TTLL4: variants seen among roughly 807,000 people sequenced by gnomAD.
TTLL4 encodes tubulin monoglutamylase TTLL4.
Under a neutral mutation model 122.7 loss-of-function variants are expected in TTLL4, and 85 were observed. That is an observed-to-expected ratio of 0.69 (90% confidence interval 0.58 to 0.83). The LOEUF is 0.83. Ranked by LOEUF, TTLL4 falls within the 40% of genes least tolerant of loss-of-function variation. TTLL4 has a pLI of 0.00. For synonymous variants in TTLL4, 553 were observed against 563.0 expected (o/e 0.98, Z 0.25); for missense variants, 1,363 against 1,488.6 (o/e 0.92, Z 1.39).
intron 2 of TTLL4, 51 bp from the exon 3 acceptor site, chr2:218,737,528 T>A (rs537667790): frequency 1.1e-6 from 1 of 937,686 alleles, no homozygotes; most frequent in Non-Finnish European, 1.6e-6. Flanking sequence ...TGTAGCATGG[T>A]GTCCGTTCTC....
downstream of TTLL4, among the ~76,000 whole-genome samples, chr2:218,757,683 CCT>C (rs1273572571): frequency 1.3e-5 from 2 of 152,134 alleles, no homozygotes; most frequent in Non-Finnish European, 2.9e-5. Context: ...TGAGTATCCC[CCT>C]GTCACCCTAG....
At chr2:218,740,380 G>C in intron 4 of TTLL4, 141 bp from the exon 5 acceptor site, 1 of 957,648 alleles carries the variant, frequency 1.0e-6, no homozygotes, top group Non-Finnish European at 1.6e-6. Flanking sequence ...GTTGAGGAAG[G>C]CAGTGCAAAG....
intron 2 of TTLL4, among the ~76,000 whole-genome samples, chr2:218,730,344 A>C (rs1942341398): frequency 7.8e-6 from 1 of 127,728 alleles, no homozygotes; most frequent in Non-Finnish European, 1.6e-5. Context: ...AAAAAAAAAA[A>C]AAAAAGAAAA....
chr2:218,715,494 C>T (rs1317501641), intron 1 of TTLL4, among the ~76,000 whole-genome samples: 1 of 152,186 alleles, frequency 6.6e-6, no homozygotes, highest in Non-Finnish European at 1.5e-5. Flanking sequence ...ATGGTATAGC[C>T]TATTGCTCCT....
intron 2 of TTLL4, among the ~76,000 whole-genome samples, chr2:218,728,877 A>T (rs1942269351): frequency 7.0e-6 from 1 of 143,660 alleles, no homozygotes. Flanking sequence ...GGCACTCTTG[A>T]TGCTTTCTGT....
At chr2:218,721,933 G>A (rs760807565) in intron 1 of TTLL4, among the ~76,000 whole-genome samples, 2 of 152,018 alleles carry the variant, frequency 1.3e-5, no homozygotes, top group Non-Finnish European at 2.9e-5. Context: ...AGACCAACTG[G>A]GGCAACATAG....
intron 1 of TTLL4, among the ~76,000 whole-genome samples, chr2:218,722,039 T>C (rs1942057697): frequency 6.6e-6 from 1 of 152,034 alleles, no homozygotes; most frequent in African/African-American, 2.4e-5. Flanking sequence ...CCCAGCACTT[T>C]GGGAAGCTGA....
At chr2:218,745,038 CG>C in intron 5 of TTLL4, 70 bp from the exon 6 acceptor site, 1 of 1,565,996 alleles carries the variant, frequency 6.4e-7, no homozygotes. Context: ...ATAAATCGTA[CG>C]TCGTAGTAAC....
In TTLL4 at chr2:218,747,470, G is replaced by T. The variant is rs1049900892; in HGVS notation, c.2249+98G>T. On this transcript the variant is annotated intron_variant, in intron 10 of 19. Coordinates refer to ENST00000392102, the MANE Select transcript of TTLL4 (RefSeq NM_014640.5). This position sits in a 1 kb window ranked among gnomAD's most constrained non-coding sequence, Gnocchi z 4.7. ...TCTGCCCTTTGTTCTCCCAGCCAAA[G>T]AGCTTCCTTAGCCAACTGTTCTAAG... 17 of 1,570,098 alleles carry T rather than the reference G, an allele frequency of 1.1e-5. No homozygotes were observed. Among genetic ancestry groups the T allele is most frequent in the Non-Finnish European group, 1.3e-5 (15 of 1,154,926 alleles).
intron 1 of TTLL4, among the ~76,000 whole-genome samples, chr2:218,723,808 G>A (rs919364369): frequency 1.3e-5 from 2 of 152,024 alleles, no homozygotes; most frequent in Admixed American, 1.3e-4. Context: ...AAAGGCTGAG[G>A]AACTATTACA....
At position 218,737,589 on chromosome 2, in the gene TTLL4, T is replaced by C; in HGVS notation, c.-88T>C. 4 of 1,443,134 alleles carry C rather than the reference T, an allele frequency of 2.8e-6. No homozygotes were observed. Among genetic ancestry groups the C allele is most frequent in the Non-Finnish European group, 3.7e-6 (4 of 1,068,586 alleles). The allele number at this position is 1,443,134 out of a possible 1,614,324, so 89.4% of individuals were successfully genotyped here. A position where few individuals can be genotyped will look rare whatever the true frequency, so the allele number is the denominator to read the frequency against. Reference sequence around the variant, plus strand: ...TTCTCTCCACTTCAGACTGACAGACTTCAAGGATGCAGCTGCTACTACCGG... The same window carrying C: ...TTCTCTCCACTTCAGACTGACAGACCTCAAGGATGCAGCTGCTACTACCGG... On this transcript the variant is annotated 5_prime_UTR_variant, in exon 3 of 20. Transcript: ENST00000392102.
In TTLL4 at chr2:218,737,030, C is replaced by T. The variant is rs183991689; in HGVS notation, c.-98-549C>T. On this transcript the variant is annotated intron_variant, in intron 2 of 19. Coordinates refer to ENST00000392102, the MANE Select transcript of TTLL4 (RefSeq NM_014640.5). ...ATGCCTAGCTAATTTTTGGTAGTGA[C>T]GGGGTTTTGCCATGTTGGGCAGGTT... is the stretch of plus-strand genomic sequence containing the variant. Among the ~76,000 whole-genome samples, 664 of 151,972 alleles carry T rather than the reference C, an allele frequency of 4.4e-3. 5 individuals are homozygous for T. Among genetic ancestry groups the T allele is most frequent in the African/African-American group, 0.015 (625 of 41,454 alleles).
At position 218,747,044 on chromosome 2, in the gene TTLL4, C is replaced by T. The variant is rs1296793817; in HGVS notation, c.2016C>T (p.Asp672=). Residue 672 remains aspartate (D), a synonymous_variant, in exon 9 of 20, where the codon GAC becomes GAT. Transcript: ENST00000392102. The surrounding 1 kb of genome is among the most constrained non-coding windows in gnomAD (Gnocchi z 4.7). ...GCTCATTCCAGATTGGGAGGAAGGA[C>T]CGGCTATGGCGGAACCTGTCACGTA... ...FPGSFQIGRK[D]RLWRNLSRMQ... is the part of the protein sequence containing the mutation. 5.6e-6 allele frequency: 9 copies of T among 1,614,076 alleles called. No individual in the cohort carries two copies. Among genetic ancestry groups the T allele is most frequent in the Non-Finnish European group, 7.6e-6 (9 of 1,180,040 alleles).
chr2:218,746,811 G>A, intron 8 of TTLL4, 192 bp from the exon 9 acceptor site: 1 of 612,854 alleles, frequency 1.6e-6, no homozygotes, highest in Non-Finnish European at 2.8e-6. Context: ...ACTCTGTTTT[G>A]TCTGTGTTTT....
chr2:218,749,894 C>A, intron 14 of TTLL4, 115 bp from the exon 15 acceptor site: 2 of 1,387,138 alleles, frequency 1.4e-6, no homozygotes. Flanking sequence ...GATGTTTGAG[C>A]AGCTTTCATC....
chr2:218,726,687 G>C (rs537930682), intron 1 of TTLL4, among the ~76,000 whole-genome samples: 31 of 152,236 alleles, frequency 2.0e-4, no homozygotes, highest in African/African-American at 6.5e-4. Context: ...GGCTGGTCTC[G>C]AACTCCTGGC....
intron 2 of TTLL4, among the ~76,000 whole-genome samples, chr2:218,730,229 A>AC (rs2106415075): frequency 7.1e-6 from 1 of 140,034 alleles, no homozygotes; most frequent in African/African-American, 2.6e-5. Context: ...GTACTTTGGG[A>AC]GGCCGAGGTG....
chr2:218,717,244 C>T (rs1357026063), intron 1 of TTLL4, among the ~76,000 whole-genome samples: 3 of 151,884 alleles, frequency 2.0e-5, no homozygotes, highest in African/African-American at 4.8e-5. Context: ...ATTATAGGCA[C>T]AAGTCACCCC....
At chr2:218,722,010 AG>A (rs1942056289) in intron 1 of TTLL4, among the ~76,000 whole-genome samples, 1 of 152,114 alleles carries the variant, frequency 6.6e-6, no homozygotes, top group South Asian at 2.1e-4. Flanking sequence ...GGCCAGGTGT[AG>A]GGGTTCATGT....
Sources: allele counts gnomAD v4.1 joint callset (sites outside exome capture counted in the v4.1 genomes callset), GRCh38; gene constraint gnomAD v4.1.1; non-coding constraint Gnocchi (gnomAD v3.1); transcripts MANE v1.5; gene names NCBI Gene and HGNC (gene_info 2026-07-23, HGNC 2026-07-21).